The following SLC24A2 variants were observed in gnomAD, a reference collection of about 807,000 sequenced individuals.
SLC24A2 encodes solute carrier family 24 member 2, also known as sodium/potassium/calcium exchanger 2.
A neutral mutation model predicts 62.0 loss-of-function variants in SLC24A2; 36 were observed. That is an observed-to-expected ratio of 0.58 (90% CI 0.44 to 0.77). SLC24A2 has a LOEUF of 0.77. SLC24A2 is among the 30% of genes least tolerant of loss of function. SLC24A2 has a pLI of 0.00. For synonymous variants in SLC24A2, 358 were observed against 294.0 expected (o/e 1.22, Z -2.23); for missense variants, 846 against 817.9 (o/e 1.03, Z -0.42).
the SLC24A2 span, among the ~76,000 whole-genome samples, chr9:20,278,381 A>G: frequency 6.6e-6 from 1 of 152,178 alleles, no homozygotes; most frequent in Admixed American, 6.5e-5. Context: ...AATAAAACTG[A>G]ATGCTTTTAT....
the SLC24A2 span, among the ~76,000 whole-genome samples, chr9:20,305,611 C>T: frequency 6.6e-6 from 1 of 152,108 alleles, no homozygotes; most frequent in African/African-American, 2.4e-5. Context: ...TATTCAGTAT[C>T]TAGAGTCTAG....
chr9:20,232,095 A>T, the SLC24A2 span, among the ~76,000 whole-genome samples: 1 of 152,154 alleles, frequency 6.6e-6, no homozygotes, highest in Non-Finnish European at 1.5e-5. Flanking sequence ...CCACTTGATC[A>T]TGGTGGATAA....
At chr9:20,234,556 G>A in the SLC24A2 span, among the ~76,000 whole-genome samples, 42 of 152,262 alleles carry the variant, frequency 2.8e-4, 1 homozygote, top group African/African-American at 8.9e-4. Flanking sequence ...CGTAGCTCTC[G>A]TGCCTTGGTT....
the SLC24A2 span, among the ~76,000 whole-genome samples, chr9:20,231,701 C>A: frequency 2.0e-5 from 3 of 152,164 alleles, no homozygotes; most frequent in African/African-American, 7.2e-5. Context: ...TTGACTTCCT[C>A]TTTTCCTAAT....
the SLC24A2 span, among the ~76,000 whole-genome samples, chr9:19,956,758 T>C: frequency 1.2e-4 from 18 of 152,314 alleles, no homozygotes; most frequent in African/African-American, 3.4e-4. Flanking sequence ...CACATGGAAA[T>C]TGTAGGAATT....
Position 19,595,845 on chromosome 9 carries a change from C to T in SLC24A2, c.1129+1384G>A, listed in dbSNP as rs189739476. ...GGTCAGGTGGATGCTAACAAACTCC[C>T]CCTCCTAAGCCAAGAATAAAATAAT... is the stretch of plus-strand genomic sequence containing the variant. On this transcript the variant is annotated intron_variant, in intron 5 of 10. Coordinates refer to ENST00000341998, the MANE Select transcript of SLC24A2 (RefSeq NM_020344.4). 4.3e-4 allele frequency among the ~76,000 whole-genome samples: 66 copies of T among 152,192 alleles called. No individual in the cohort carries two copies. In the Middle Eastern group the frequency reaches 0.017, roughly 39 times the overall value.
At chr9:20,100,384 G>A in the SLC24A2 span, among the ~76,000 whole-genome samples, 174 of 152,162 alleles carry the variant, frequency 1.1e-3, no homozygotes, top group African/African-American at 4.0e-3. Context: ...TTAGTTCTCA[G>A]CTTAAATATC....
At chr9:19,830,168 G>C in the SLC24A2 span, among the ~76,000 whole-genome samples, 5 of 152,072 alleles carry the variant, frequency 3.3e-5, no homozygotes, top group African/African-American at 1.2e-4. Flanking sequence ...ACTTTGAGTA[G>C]AGCCCACTGA....
chr9:19,532,034 ATGG>A (rs1833733155), intron 8 of SLC24A2, among the ~76,000 whole-genome samples: 1 of 152,060 alleles, frequency 6.6e-6, no homozygotes, highest in Non-Finnish European at 1.5e-5. Flanking sequence ...ATAATATGAA[ATGG>A]TGGAGTATTT....
chr9:20,022,382 T>A, the SLC24A2 span, among the ~76,000 whole-genome samples: 1 of 152,214 alleles, frequency 6.6e-6, no homozygotes, highest in Non-Finnish European at 1.5e-5. Flanking sequence ...GTAAGTACAT[T>A]ACTAACCAAA....
chr9:19,892,285 C>A, the SLC24A2 span, among the ~76,000 whole-genome samples: 5 of 152,192 alleles, frequency 3.3e-5, no homozygotes, highest in Non-Finnish European at 7.4e-5. Flanking sequence ...CTGCTCTCAT[C>A]CCAAGGCAGT....
At chr9:20,102,656 A>G in the SLC24A2 span, among the ~76,000 whole-genome samples, 1 of 151,974 alleles carries the variant, frequency 6.6e-6, no homozygotes, top group African/African-American at 2.4e-5. Context: ...ACTTTTTAAA[A>G]TGCACTGCAA....
chr9:19,796,932 C>T, the SLC24A2 span, among the ~76,000 whole-genome samples: 1 of 152,036 alleles, frequency 6.6e-6, no homozygotes, highest in African/African-American at 2.4e-5. Flanking sequence ...AATTTTTCTT[C>T]TCTCCATTTC....
intron 2 of SLC24A2, among the ~76,000 whole-genome samples, chr9:19,703,393 G>A (rs1820414666): frequency 6.6e-6 from 1 of 152,142 alleles, no homozygotes. Flanking sequence ...GGAGTGAGAG[G>A]GGTTGCAGAG....
chr9:19,883,590 G>T, the SLC24A2 span, among the ~76,000 whole-genome samples: 3 of 149,820 alleles, frequency 2.0e-5, no homozygotes, highest in Admixed American at 6.7e-5. Flanking sequence ...TTTTGAGATG[G>T]AGTCTTGCTC....
the SLC24A2 span, among the ~76,000 whole-genome samples, chr9:20,256,900 CAAT>C: frequency 6.7e-6 from 1 of 148,470 alleles, no homozygotes; most frequent in Non-Finnish European, 1.5e-5. Flanking sequence ...AAGAAAAAAA[CAAT>C]AATAAAACTC....
At chr9:19,671,549 T>C (rs1587130238) in intron 2 of SLC24A2, among the ~76,000 whole-genome samples, 1 of 152,290 alleles carries the variant, frequency 6.6e-6, no homozygotes, top group South Asian at 2.1e-4. Flanking sequence ...CCTTTATTTC[T>C]TTCTCTTATC....
chr9:19,641,048 G>A (rs1226130470), intron 2 of SLC24A2, among the ~76,000 whole-genome samples: 2 of 152,238 alleles, frequency 1.3e-5, no homozygotes, highest in African/African-American at 4.8e-5. Context: ...TGGGGACTGG[G>A]AGAATAGTTA....
intron 10 of SLC24A2, among the ~76,000 whole-genome samples, chr9:19,519,164 T>C (rs1475923732): frequency 6.6e-6 from 1 of 152,188 alleles, no homozygotes. Flanking sequence ...TACTAATTTA[T>C]TCATAGATGC....
Sources: allele counts gnomAD v4.1 joint callset (sites outside exome capture counted in the v4.1 genomes callset), GRCh38; gene constraint gnomAD v4.1.1; transcripts MANE v1.5; gene names NCBI Gene and HGNC (gene_info 2026-07-23, HGNC 2026-07-21).